C9orf43: variants seen among roughly 807,000 people sequenced by gnomAD.
C9orf43 encodes chromosome 9 open reading frame 43, also known as uncharacterized protein C9orf43.
C9orf43 carries 45 observed loss-of-function variants against 59.1 expected under a neutral mutation model. That is an observed-to-expected ratio of 0.76 (90% CI 0.60 to 0.98). C9orf43 has a LOEUF of 0.98. Among genes scored for constraint, C9orf43 ranks in the 50% least tolerant of loss-of-function variants. C9orf43 has a pLI of 0.00. For synonymous variants in C9orf43, 203 were observed against 196.8 expected (o/e 1.03, Z -0.26); for missense variants, 533 against 554.9 (o/e 0.96, Z 0.40).
intron 1 of C9orf43, among the ~76,000 whole-genome samples, chr9:113,411,744 T>C (rs1013243644): frequency 6.6e-6 from 1 of 152,066 alleles, no homozygotes; most frequent in African/African-American, 2.4e-5. Flanking sequence ...AGCGGCACGG[T>C]CTCGGCTCAC....
chr9:113,423,613 AT>A, intron 7 of C9orf43, 115 bp downstream of exon 7: 1 of 981,476 alleles, frequency 1.0e-6, no homozygotes, highest in East Asian at 2.5e-5. Context: ...TATCACCCCG[AT>A]TTGTTTACTG....
Position 113,429,511 on chromosome 9 carries a change from T to C in C9orf43, c.*125T>C, listed in dbSNP as rs1828914694. The stretch of plus-strand genomic sequence containing the variant: ...CAAGAGGAGAGGGGCTTCTGCTCTC[T>C]GGAGCCTTTACCAGGGCCTGAGCTC... On this transcript the variant is annotated 3_prime_UTR_variant, in exon 14 of 14. Coordinates refer to ENST00000374165, the MANE Select transcript of C9orf43 (RefSeq NM_001278629.2). 6.7e-6 allele frequency: 5 copies of C among 745,632 alleles called. No individual in the cohort carries two copies. Among genetic ancestry groups the C allele is most frequent in the Admixed American group, 2.7e-5 (1 of 36,592 alleles). 46.2% of individuals were successfully genotyped at this position (745,632 alleles called of 1,614,324 possible). A position where few individuals can be genotyped will look rare whatever the true frequency, so the allele number is the denominator to read the frequency against.
In C9orf43 at chr9:113,413,653, G is replaced by A. The variant is rs766001704; in HGVS notation, c.151+9G>A. ...TCCCCTGGATGCTGAAGGTGAATTA[G>A]CCAGCTTCTGTCCTCTCCCTCACGA... On this transcript the variant is annotated intron_variant, in intron 2 of 13. Transcript: ENST00000374165. The A allele has an allele frequency of 6.2e-7, 1 of 1,613,940 alleles. No homozygotes were observed. The highest frequency in any genetic ancestry group is 8.5e-7 in the Non-Finnish European group (1 of 1,179,814).
intron 3 of C9orf43, among the ~76,000 whole-genome samples, chr9:113,416,412 C>T (rs1006204168): frequency 1.6e-4 from 25 of 152,200 alleles, no homozygotes; most frequent in Non-Finnish European, 1.0e-4. Flanking sequence ...CTGTGTGAGA[C>T]TGGTTTTCTG....
Position 113,413,600 on chromosome 9 carries a change from C to A in C9orf43, c.107C>A (p.Pro36His). 6.2e-7 allele frequency: 1 copy of A among 1,614,236 alleles called. No homozygotes were observed. The highest frequency in any genetic ancestry group is 8.5e-7 in the Non-Finnish European group (1 of 1,180,030). The change falls in exon 2 of 14, where the codon CCT (proline) becomes CAT (histidine). Residue 36 changes from proline to histidine, a missense_variant. Pro to His is a moderately conservative substitution (Grantham distance 77). Transcript: ENST00000374165. ...ATIRRIERGH[P>H]RILGSSCKTP... is the part of the protein sequence containing the mutation. ...ATCCGCCGCATTGAGAGGGGCCATC[C>A]TCGAATCCTCGGCTCATCCTGCAAA...
At chr9:113,424,675 C>T (rs983994468) in intron 8 of C9orf43, among the ~76,000 whole-genome samples, 5 of 151,874 alleles carry the variant, frequency 3.3e-5, no homozygotes, top group South Asian at 2.1e-4. Flanking sequence ...TACAGGTGTG[C>T]GCCACCATGG....
chr9:113,415,792 G>A (rs562681953), intron 3 of C9orf43, among the ~76,000 whole-genome samples: 1 of 152,226 alleles, frequency 6.6e-6, no homozygotes, highest in South Asian at 2.1e-4. Flanking sequence ...CGAAGACTTT[G>A]TTACCTGGAA....
At chr9:113,420,717 A>G (rs1828530095) in intron 4 of C9orf43, 1 of 974,812 alleles carries the variant, frequency 1.0e-6, no homozygotes. Flanking sequence ...TGTTTCTATC[A>G]GTTCTCTTCC....
Position 113,413,866 on chromosome 9 carries a change from T to C in C9orf43, c.259T>C (p.Ser87Pro), listed in dbSNP as rs1828262674. The C allele has an allele frequency of 3.1e-6, 5 of 1,611,658 alleles. No individual in the cohort carries two copies. The highest frequency in any genetic ancestry group is 1.3e-5 in the African/African-American group (1 of 74,886). ...GGCCCATTCTTTATTGTCTCAGAGT[T>C]CAAAGTTTTACTCCAAATTTCATGG... The part of the protein sequence containing the change: ...TKAHSLLSQS[S>P]KFYSKFHGRP... The change falls in exon 3 of 14, where the codon TCA becomes CCA. Residue 87 changes from serine (S) to proline (P), a missense_variant. Ser to Pro is a moderately conservative substitution (Grantham distance 74). Coordinates refer to ENST00000374165, the MANE Select transcript of C9orf43 (RefSeq NM_001278629.2).
intron 11 of C9orf43, 97 bp from the exon 12 acceptor site, chr9:113,428,050 T>C (rs1455068736): frequency 8.5e-7 from 1 of 1,170,914 alleles, no homozygotes. Context: ...TTTTCCTGGA[T>C]GCAGAGTCAC....
chr9:113,424,939 A>G (rs775921675), intron 8 of C9orf43, 80 bp from the exon 9 acceptor site: 25 of 1,246,052 alleles, frequency 2.0e-5, no homozygotes, highest in Non-Finnish European at 2.6e-5. Flanking sequence ...GACTGGATGA[A>G]TAAACGCATT....
At chr9:113,417,950 T>C (rs1242393030) in intron 3 of C9orf43, among the ~76,000 whole-genome samples, 2 of 152,208 alleles carry the variant, frequency 1.3e-5, no homozygotes, top group African/African-American at 4.8e-5. Context: ...AAGATCTTTA[T>C]CATTTACCCC....
At chr9:113,424,966 A>G (rs1828727326) in intron 8 of C9orf43, 53 bp from the exon 9 acceptor site, 2 of 1,494,592 alleles carry the variant, frequency 1.3e-6, no homozygotes. Context: ...ATACATTTGG[A>G]GAAAGGGAAA....
intron 3 of C9orf43, among the ~76,000 whole-genome samples, chr9:113,418,146 C>T (rs1483876767): frequency 2.0e-5 from 3 of 152,202 alleles, no homozygotes; most frequent in African/African-American, 7.2e-5. Context: ...CAGTGTTGTA[C>T]ATCCATCAGC....
At chr9:113,417,157 A>G (rs574025213) in intron 3 of C9orf43, among the ~76,000 whole-genome samples, 12 of 152,226 alleles carry the variant, frequency 7.9e-5, no homozygotes, top group African/African-American at 2.6e-4. Context: ...TCTGTCTCCT[A>G]TGTCTTCAAC....
At chr9:113,423,271 A>G (rs887598020) in intron 6 of C9orf43, 55 bp from the exon 7 acceptor site, 3 of 1,559,696 alleles carry the variant, frequency 1.9e-6, no homozygotes, top group East Asian at 4.5e-5. Context: ...GTTGATGGAA[A>G]GGACTAGGCT....
At position 113,424,281 on chromosome 9, in the gene C9orf43, A is replaced by G. The variant is rs1189371227; in HGVS notation, c.772A>G (p.Lys258Glu). 1.2e-6 allele frequency: 2 copies of G among 1,613,932 alleles called. No individual in the cohort carries two copies. The highest frequency in any genetic ancestry group is 4.5e-5 in the East Asian group (2 of 44,884). Residue 258 changes from lysine (K) to glutamate (E), a missense_variant, in exon 8 of 14, where the codon AAG (lysine) becomes GAG (glutamate). Coordinates refer to ENST00000374165, the MANE Select transcript of C9orf43 (RefSeq NM_001278629.2). ...KNRPDSVISSKMFLSIHRLTL... is the reference protein window; with the variant it reads ...KNRPDSVISSEMFLSIHRLTL... ...CCGACCTGACAGTGTGATTTCTTCT[A>G]AGATGTTTCTATCTATACACCGCCT... is the stretch of plus-strand genomic sequence containing the variant.
intron 3 of C9orf43, among the ~76,000 whole-genome samples, chr9:113,415,009 T>G (rs1307048651): frequency 6.6e-6 from 1 of 152,182 alleles, no homozygotes; most frequent in Non-Finnish European, 1.5e-5. Context: ...TTTTTATATT[T>G]TTAGTAGAGA....
intron 5 of C9orf43, 45 bp downstream of exon 5, chr9:113,421,248 C>A: frequency 1.5e-6 from 2 of 1,374,538 alleles, no homozygotes; most frequent in Non-Finnish European, 2.1e-6. Context: ...CTCTATAAAT[C>A]CCTGATGTCT....
Sources: gnomAD v4.1 joint callset for allele counts (sites outside exome capture counted in the v4.1 genomes callset) on GRCh38, gnomAD v4.1.1 for gene constraint, MANE v1.5 for transcripts, NCBI Gene and HGNC (gene_info 2026-07-23, HGNC 2026-07-21) for gene names.